The following MB21D2 variants were observed in gnomAD, a reference collection of about 807,000 sequenced individuals.
The protein encoded by MB21D2 is Mab-21 domain containing 2.
Under a neutral mutation model 33.3 loss-of-function variants are expected in MB21D2, and 9 were observed. The ratio of observed to expected loss-of-function variants is 0.27; its 90% CI spans 0.16 to 0.47. MB21D2 has a LOEUF of 0.47. Ranked by LOEUF, MB21D2 falls within the 20% of genes least tolerant of loss-of-function variation. MB21D2 has a pLI of 0.99. For missense variants in MB21D2, 540 were observed against 624.6 expected, an observed-to-expected ratio of 0.86 and a Z score of 1.44; for synonymous variants, 241 against 236.3, an observed-to-expected ratio of 1.02 and a Z score of -0.18.
chr3:192,808,276 C>A (rs1711708802), intron 1 of MB21D2, among the ~76,000 whole-genome samples: 1 of 152,100 alleles, frequency 6.6e-6, no homozygotes, highest in Non-Finnish European at 1.5e-5. Context: ...GATAATCACA[C>A]ACGAATCAAC....
chr3:192,866,558 G>A (rs1713172363), intron 1 of MB21D2, among the ~76,000 whole-genome samples: 2 of 152,252 alleles, frequency 1.3e-5, no homozygotes, highest in South Asian at 4.1e-4. Context: ...ATCTCAGCAT[G>A]CATACGTGCA....
chr3:192,894,422 G>A (rs1313575920), intron 1 of MB21D2, among the ~76,000 whole-genome samples: 1 of 152,044 alleles, frequency 6.6e-6, no homozygotes, highest in Non-Finnish European at 1.5e-5. Context: ...ACCCCACCTG[G>A]CCTCCAATGG....
At chr3:192,866,722 G>T (rs1177358132) in intron 1 of MB21D2, among the ~76,000 whole-genome samples, 4 of 152,120 alleles carry the variant, frequency 2.6e-5, no homozygotes, top group African/African-American at 9.7e-5. Flanking sequence ...TACATGAAAT[G>T]TAAGAATATT....
chr3:192,856,553 G>T (rs981231367), intron 1 of MB21D2, among the ~76,000 whole-genome samples: 1 of 151,960 alleles, frequency 6.6e-6, no homozygotes, highest in South Asian at 2.1e-4. Context: ...TTTTGTTTTT[G>T]TTTTTTGTTT....
chr3:192,842,791 T>C (rs1712601650), intron 1 of MB21D2, among the ~76,000 whole-genome samples: 1 of 152,214 alleles, frequency 6.6e-6, no homozygotes, highest in Admixed American at 6.5e-5. Flanking sequence ...TTTTGGTTCT[T>C]TGGGAAGTGG....
chr3:192,908,886 T>C (rs778040174), intron 1 of MB21D2, among the ~76,000 whole-genome samples: 1 of 152,116 alleles, frequency 6.6e-6, no homozygotes, highest in Admixed American at 6.5e-5. Context: ...TAGAAGCCTA[T>C]AGATCCCTGC....
chr3:192,822,501 A>G (rs1712082290), intron 1 of MB21D2, among the ~76,000 whole-genome samples: 1 of 152,124 alleles, frequency 6.6e-6, no homozygotes, highest in African/African-American at 2.4e-5. Context: ...AGCAAATGCA[A>G]ATCACTGGCA....
At chr3:192,821,122 A>G (rs545389676) in intron 1 of MB21D2, among the ~76,000 whole-genome samples, 12 of 152,270 alleles carry the variant, frequency 7.9e-5, no homozygotes, top group African/African-American at 2.9e-4. Flanking sequence ...CCTTCCTGAT[A>G]TTGCTAATGT....
intron 1 of MB21D2, among the ~76,000 whole-genome samples, chr3:192,842,884 G>C (rs1712603490): frequency 6.6e-6 from 1 of 152,160 alleles, no homozygotes; most frequent in Admixed American, 6.5e-5. Context: ...AATTATGGCA[G>C]GAAAACTGAC....
intron 1 of MB21D2, among the ~76,000 whole-genome samples, chr3:192,853,736 GTT>G (rs1326657903): frequency 6.6e-6 from 1 of 152,042 alleles, no homozygotes; most frequent in Non-Finnish European, 1.5e-5. Flanking sequence ...AGATAGTTGT[GTT>G]TTTTACAAAT....
chr3:192,913,461 A>G (rs1045348676), intron 1 of MB21D2, among the ~76,000 whole-genome samples: 1 of 152,190 alleles, frequency 6.6e-6, no homozygotes, highest in Non-Finnish European at 1.5e-5. Context: ...TTTTTTAGTT[A>G]GCAAAGTAAT....
intron 1 of MB21D2, among the ~76,000 whole-genome samples, chr3:192,806,520 C>T (rs142961333): frequency 3.8e-4 from 58 of 152,306 alleles, no homozygotes; most frequent in Admixed American, 9.2e-4. Context: ...CAGTAACTCA[C>T]GAAAAGGCGT....
chr3:192,837,149 C>A (rs183688992), intron 1 of MB21D2, among the ~76,000 whole-genome samples: 1 of 152,074 alleles, frequency 6.6e-6, no homozygotes, highest in East Asian at 1.9e-4. Flanking sequence ...CATCTGTTGA[C>A]CAGAGTAAGT....
intron 1 of MB21D2, among the ~76,000 whole-genome samples, chr3:192,837,379 T>A (rs1712463637): frequency 6.6e-6 from 1 of 152,182 alleles, no homozygotes; most frequent in East Asian, 1.9e-4. Flanking sequence ...TCTCGGCTCC[T>A]GGTCACACTC....
At chr3:192,875,991 A>G (rs1713419899) in intron 1 of MB21D2, among the ~76,000 whole-genome samples, 2 of 152,196 alleles carry the variant, frequency 1.3e-5, no homozygotes, top group Admixed American at 6.5e-5. Flanking sequence ...GGATGTACCT[A>G]TGTGCCCCTA....
intron 1 of MB21D2, among the ~76,000 whole-genome samples, chr3:192,807,342 A>C (rs986479182): frequency 1.3e-5 from 2 of 152,228 alleles, no homozygotes; most frequent in Admixed American, 6.5e-5. Context: ...GCCAAAAAAA[A>C]AAAAAAAAAG....
intron 1 of MB21D2, among the ~76,000 whole-genome samples, chr3:192,874,559 T>C (rs1377830482): frequency 6.6e-6 from 1 of 152,226 alleles, no homozygotes; most frequent in Non-Finnish European, 1.5e-5. Context: ...TATAGTTGCT[T>C]ATCCAGTGCT....
At chr3:192,882,738 C>CT (rs150767581) in intron 1 of MB21D2, among the ~76,000 whole-genome samples, 18,495 of 144,860 alleles carry the variant, frequency 0.13, 2,425 homozygotes, top group African/African-American at 0.35. Context: ...AACCAGTTTC[C>CT]TTTTTTTTTC....
intron 1 of MB21D2, among the ~76,000 whole-genome samples, chr3:192,807,674 T>C (rs1457386843): frequency 1.3e-5 from 2 of 152,040 alleles, no homozygotes; most frequent in African/African-American, 4.8e-5. Flanking sequence ...GTCTAAGAAA[T>C]TGCAACAAGG....
Sources: allele counts gnomAD v4.1 joint callset (sites outside exome capture counted in the v4.1 genomes callset), GRCh38; gene constraint gnomAD v4.1.1; transcripts MANE v1.5; gene names NCBI Gene and HGNC (gene_info 2026-07-23, HGNC 2026-07-21).